The following ANK1 variants were observed in gnomAD, a reference collection of about 807,000 sequenced individuals.
ANK1 encodes ankyrin-1.
ANK1 carries 51 observed loss-of-function variants against 210.4 expected under a neutral mutation model. The observed-to-expected ratio is 0.24, with a 90% CI of 0.19 to 0.31. The LOEUF is 0.31. Ranked by LOEUF, ANK1 falls within the 10% of genes least tolerant of loss-of-function variation. The pLI is 1.00. For missense variants in ANK1, 2,051 were observed against 2,504.4 expected, an observed-to-expected ratio of 0.82 and a Z score of 3.86; for synonymous variants, 967 against 1,025.9, an observed-to-expected ratio of 0.94 and a Z score of 1.10.
intron 31 of ANK1, among the ~76,000 whole-genome samples, chr8:41,692,065 T>A (rs1338997295): frequency 6.6e-6 from 1 of 151,996 alleles, no homozygotes; most frequent in East Asian, 1.9e-4. Context: ...AGCACTTTTT[T>A]TTTTTTTTTT....
intron 1 of ANK1, among the ~76,000 whole-genome samples, chr8:41,839,378 A>T (rs1391445432): frequency 6.6e-6 from 1 of 152,230 alleles, no homozygotes; most frequent in African/African-American, 2.4e-5. Flanking sequence ...CAGATCTGGG[A>T]TATAAACCCA....
At chr8:41,887,186 T>C (rs1818595169) in intron 1 of ANK1, among the ~76,000 whole-genome samples, 1 of 151,932 alleles carries the variant, frequency 6.6e-6, no homozygotes, top group Non-Finnish European at 1.5e-5. Flanking sequence ...TCTTTCTGTG[T>C]CTCGACAACT....
intron 1 of ANK1, among the ~76,000 whole-genome samples, chr8:41,831,255 G>A (rs906103174): frequency 1.3e-5 from 2 of 152,176 alleles, no homozygotes; most frequent in African/African-American, 4.8e-5. Flanking sequence ...GGCAGCTGCG[G>A]GCGCTCATAC....
intron 1 of ANK1, among the ~76,000 whole-genome samples, chr8:41,839,276 A>T (rs1808401679): frequency 6.6e-6 from 1 of 152,202 alleles, no homozygotes; most frequent in African/African-American, 2.4e-5. Flanking sequence ...AGGACTCTGC[A>T]TGCATTAACT....
intron 1 of ANK1, among the ~76,000 whole-genome samples, chr8:41,768,831 C>G (rs1264958899): frequency 6.6e-6 from 1 of 151,106 alleles, no homozygotes; most frequent in Non-Finnish European, 1.5e-5. Flanking sequence ...ATTAGCCAGG[C>G]AAGGTGGCAC....
At chr8:41,844,523 A>C (rs763802233) in intron 1 of ANK1, among the ~76,000 whole-genome samples, 77 of 151,470 alleles carry the variant, frequency 5.1e-4, no homozygotes, top group Non-Finnish European at 8.5e-4. Flanking sequence ...CACACCCCCC[A>C]CACACACACT....
intron 24 of ANK1, 22 bp from the exon 25 acceptor site, chr8:41,696,795 T>C: frequency 6.3e-7 from 1 of 1,590,446 alleles, no homozygotes; most frequent in Non-Finnish European, 8.5e-7. Context: ...GAAAGGGTCC[T>C]CCTGTCCCAC....
intron 2 of ANK1, among the ~76,000 whole-genome samples, chr8:41,748,721 A>G (rs1331551459): frequency 6.6e-6 from 1 of 152,202 alleles, no homozygotes; most frequent in African/African-American, 2.4e-5. Flanking sequence ...CTCTTGGAAC[A>G]TTAGAACAGC....
chr8:41,778,516 T>A (rs545415307), intron 1 of ANK1, among the ~76,000 whole-genome samples: 1 of 152,232 alleles, frequency 6.6e-6, no homozygotes, highest in Non-Finnish European at 1.5e-5. Context: ...TTCCAGAATC[T>A]TCTTGATTAT....
At chr8:41,688,428 C>A (rs1818293158) in intron 34 of ANK1, 83 bp downstream of exon 34, 5 of 1,540,050 alleles carry the variant, frequency 3.2e-6, no homozygotes, top group Non-Finnish European at 3.6e-6. Flanking sequence ...TCAGCAGAAC[C>A]CTCACAGGGC....
intron 9 of ANK1, among the ~76,000 whole-genome samples, chr8:41,722,163 A>G (rs1829437995): frequency 6.6e-6 from 1 of 152,230 alleles, no homozygotes; most frequent in African/African-American, 2.4e-5. Context: ...AGAGGGCAAG[A>G]CACACGTTCA....
intron 1 of ANK1, among the ~76,000 whole-genome samples, chr8:41,840,657 C>T (rs1405310999): frequency 6.6e-6 from 1 of 152,138 alleles, no homozygotes; most frequent in African/African-American, 2.4e-5. Flanking sequence ...TCTAAGAAGT[C>T]CCATCACGGG....
chr8:41,815,714 C>A (rs76103123), intron 1 of ANK1, among the ~76,000 whole-genome samples: 1 of 151,990 alleles, frequency 6.6e-6, no homozygotes, highest in Non-Finnish European at 1.5e-5. Flanking sequence ...ACTTAGTAAC[C>A]CTAATTTCCA....
chr8:41,879,763 G>T (rs906680569), intron 1 of ANK1, among the ~76,000 whole-genome samples: 2 of 152,226 alleles, frequency 1.3e-5, no homozygotes, highest in Non-Finnish European at 2.9e-5. Context: ...CCCTGGAGTG[G>T]GAATCAGAAG....
chr8:41,793,422 A>G (rs567642869), intron 1 of ANK1, among the ~76,000 whole-genome samples: 40 of 152,346 alleles, frequency 2.6e-4, no homozygotes, highest in African/African-American at 9.4e-4. Context: ...ACAGTGCAGG[A>G]TCAGGACAGG....
At chr8:41,696,613 G>A (rs1426416854) in intron 25 of ANK1, 26 bp from the exon 26 acceptor site, 1 of 1,612,054 alleles carries the variant, frequency 6.2e-7, no homozygotes, top group Non-Finnish European at 8.5e-7. Context: ...ATGCACGTTG[G>A]GCTTCTGCAT....
At chr8:41,888,973 A>G (rs1169779849) in intron 1 of ANK1, among the ~76,000 whole-genome samples, 2 of 152,192 alleles carry the variant, frequency 1.3e-5, no homozygotes, top group Non-Finnish European at 2.9e-5. Flanking sequence ...CTAATTTATA[A>G]GTCCTTCACT....
rs1394420039 is a variant in ANK1 at position 41,690,697 on chromosome 8, G to GC, written c.3859-99dup. On this transcript the variant is annotated intron_variant, in intron 31 of 42. Transcript: ENST00000289734. ...TCCTTCCCTCTCCAAGACACACCCT[G>GC]CCTCAGCAAGAGGCATGCGGGTGTG... The GC allele has an allele frequency of 2.0e-6, 3 of 1,524,690 alleles. No homozygotes were observed. In the East Asian group the frequency reaches 6.7e-5, roughly 34 times the overall value. The allele number at this position is 1,524,690 out of a possible 1,614,324, so 94.4% of individuals were successfully genotyped here.
chr8:41,843,613 CAGAT>C (rs1809453637), intron 1 of ANK1, among the ~76,000 whole-genome samples: 2 of 152,168 alleles, frequency 1.3e-5, no homozygotes, highest in South Asian at 2.1e-4. Flanking sequence ...AAAGGCCAAA[CAGAT>C]AGCGGTGATA....
Sources: allele counts gnomAD v4.1 joint callset (sites outside exome capture counted in the v4.1 genomes callset), GRCh38; gene constraint gnomAD v4.1.1; transcripts MANE v1.5; gene names NCBI Gene and HGNC (gene_info 2026-07-23, HGNC 2026-07-21).